Variants in KCND2 observed in about 807,000 individuals in gnomAD.
The protein encoded by KCND2 is A-type voltage-gated potassium channel KCND2.
A neutral mutation model predicts 54.4 loss-of-function variants in KCND2; 16 were observed. The observed-to-expected ratio is 0.29, with a 90% CI of 0.20 to 0.45. The LOEUF is 0.45. Ranked by LOEUF, KCND2 falls within the 20% of genes least tolerant of loss-of-function variation. KCND2 has a pLI of 1.00. For synonymous variants in KCND2, 317 were observed against 310.7 expected (o/e 1.02, Z -0.21); for missense variants, 486 against 824.2 (o/e 0.59, Z 5.02).
At chr7:120,404,454 A>T (rs1310079256) in intron 1 of KCND2, among the ~76,000 whole-genome samples, 1 of 152,194 alleles carries the variant, frequency 6.6e-6, no homozygotes, top group Non-Finnish European at 1.5e-5. Context: ...TTGTTGGATT[A>T]TCTAAACATG....
chr7:120,580,401 C>T (rs1261271845), intron 1 of KCND2, among the ~76,000 whole-genome samples: 1 of 152,166 alleles, frequency 6.6e-6, no homozygotes, highest in Admixed American at 6.5e-5. Flanking sequence ...CTCTTTTCCC[C>T]ACTTTCCTCT....
chr7:120,496,618 G>A (rs1274398070), intron 1 of KCND2, among the ~76,000 whole-genome samples: 16 of 151,834 alleles, frequency 1.1e-4, no homozygotes, highest in Non-Finnish European at 1.5e-4. Context: ...TAGAGACGGA[G>A]TTTCACCATG....
intron 1 of KCND2, among the ~76,000 whole-genome samples, chr7:120,572,086 A>G (rs994954738): frequency 6.6e-6 from 1 of 152,166 alleles, no homozygotes; most frequent in Admixed American, 6.5e-5. Flanking sequence ...GTTAAATGAA[A>G]AGAACGATTG....
At chr7:120,422,228 C>T (rs2116137356) in intron 1 of KCND2, among the ~76,000 whole-genome samples, 1 of 152,274 alleles carries the variant, frequency 6.6e-6, no homozygotes, top group Admixed American at 6.5e-5. Context: ...TAGAAAAGAA[C>T]ATAAAGTTCT....
chr7:120,662,675 G>A (rs1177734764), intron 1 of KCND2, among the ~76,000 whole-genome samples: 1 of 152,066 alleles, frequency 6.6e-6, no homozygotes. Context: ...AATTCTCTTT[G>A]CCTTTCTTAC....
intron 1 of KCND2, among the ~76,000 whole-genome samples, chr7:120,621,986 G>T (rs12531302): frequency 0.076 from 11,356 of 149,656 alleles, 1,001 homozygotes; most frequent in East Asian, 0.45. Flanking sequence ...TGTTGTTTTG[G>T]TTTTTTTTTA....
chr7:120,404,610 C>T (rs1035898985), intron 1 of KCND2, among the ~76,000 whole-genome samples: 2 of 152,166 alleles, frequency 1.3e-5, no homozygotes, highest in Non-Finnish European at 2.9e-5. Flanking sequence ...GGAAGGCAAA[C>T]TTCTATCAGG....
chr7:120,582,176 T>G (rs767787457), intron 1 of KCND2, among the ~76,000 whole-genome samples: 18 of 152,204 alleles, frequency 1.2e-4, no homozygotes, highest in Non-Finnish European at 2.4e-4. Flanking sequence ...GTGGTCACTC[T>G]GAGCCCCAGT....
At chr7:120,429,269 G>A (rs1434330359) in intron 1 of KCND2, among the ~76,000 whole-genome samples, 2 of 152,168 alleles carry the variant, frequency 1.3e-5, no homozygotes, top group East Asian at 1.9e-4. Flanking sequence ...TGAAGCTATT[G>A]GCAGTTAAAC....
intron 1 of KCND2, among the ~76,000 whole-genome samples, chr7:120,381,656 A>G (rs765722492): frequency 1.3e-5 from 2 of 152,106 alleles, no homozygotes; most frequent in African/African-American, 2.4e-5. Flanking sequence ...AGATTCGATT[A>G]TCCTCAGAGA....
rs1554385356 is a variant in KCND2, at chr7:120,678,777, T to TAC, written c.1116-54122_1116-54121dup. On this transcript the variant is annotated intron_variant, in intron 1 of 5. Coordinates refer to ENST00000331113, the MANE Select transcript of KCND2 (RefSeq NM_012281.3). ...ATATATATATATATATATATATATATACACATAAACACACACATTCTCTAT... is the reference window on the plus strand; with the variant it reads ...ATATATATATATATATATATATATATACACACATAAACACACACATTCTCTAT... 8.0e-3 allele frequency among the ~76,000 whole-genome samples: 984 copies of TAC among 122,500 alleles called. 19 individuals carry two copies. The highest frequency in any genetic ancestry group is 0.025 in the African/African-American group (872 of 34,904). 80.4% of individuals were successfully genotyped at this position (122,500 alleles called of 152,430 possible). A position where few individuals can be genotyped will look rare whatever the true frequency, so the allele number is the denominator to read the frequency against.
At chr7:120,594,983 G>T (rs1792718877) in intron 1 of KCND2, among the ~76,000 whole-genome samples, 1 of 150,510 alleles carries the variant, frequency 6.6e-6, no homozygotes, top group African/African-American at 2.4e-5. Flanking sequence ...TCGCGCCACT[G>T]CACTCCAGCC....
chr7:120,344,262 G>A (rs527625922), intron 1 of KCND2, among the ~76,000 whole-genome samples: 1 of 152,046 alleles, frequency 6.6e-6, no homozygotes, highest in African/African-American at 2.4e-5. Context: ...CAAATTGTGG[G>A]GAATAGACTG....
intron 1 of KCND2, among the ~76,000 whole-genome samples, chr7:120,647,779 G>A (rs1469527732): frequency 6.6e-6 from 1 of 152,088 alleles, no homozygotes; most frequent in African/African-American, 2.4e-5. Flanking sequence ...AAGTATGCAG[G>A]CATACTGTGT....
intron 1 of KCND2, among the ~76,000 whole-genome samples, chr7:120,327,042 C>T (rs2116340921): frequency 6.6e-6 from 1 of 152,132 alleles, no homozygotes; most frequent in African/African-American, 2.4e-5. Flanking sequence ...TTGAATGTTA[C>T]TTTTTGTTGA....
At chr7:120,544,966 G>C (rs1237123179) in intron 1 of KCND2, among the ~76,000 whole-genome samples, 1 of 151,826 alleles carries the variant, frequency 6.6e-6, no homozygotes, top group Non-Finnish European at 1.5e-5. Context: ...CTTCTACTTA[G>C]AGAAAACCTC....
In KCND2 at chr7:120,448,615, T is replaced by TA. The variant is rs1024855749; in HGVS notation, c.1115+172878dup. Among the ~76,000 whole-genome samples the TA allele has an allele frequency of 3.9e-3, 574 of 145,692 alleles. 3 individuals are homozygous for TA. Among genetic ancestry groups the TA allele is most frequent in the African/African-American group, 0.013 (519 of 39,706 alleles). ...ATACCAAAGGCTGGCAGAGACACAA[T>TA]AAAAAAAAAAGAGAATTTTAGACCA... On this transcript the variant is annotated intron_variant, in intron 1 of 5. Transcript: ENST00000331113.
At chr7:120,288,256 C>T (rs751130985) in intron 1 of KCND2, among the ~76,000 whole-genome samples, 51 of 152,030 alleles carry the variant, frequency 3.4e-4, no homozygotes, top group Non-Finnish European at 6.0e-4. Flanking sequence ...AAAAAGAAGA[C>T]GGCACAAAGT....
At chr7:120,568,707 T>G (rs1792328177) in intron 1 of KCND2, among the ~76,000 whole-genome samples, 1 of 152,098 alleles carries the variant, frequency 6.6e-6, no homozygotes, top group Non-Finnish European at 1.5e-5. Context: ...TTTAGTAAAT[T>G]GCTAAACCTC....
Sources: allele counts gnomAD v4.1 joint callset (sites outside exome capture counted in the v4.1 genomes callset), GRCh38; gene constraint gnomAD v4.1.1; transcripts MANE v1.5; gene names NCBI Gene and HGNC (gene_info 2026-07-23, HGNC 2026-07-21).